Variants in SLIT3 observed in about 807,000 individuals in gnomAD.
SLIT3 encodes the protein slit homolog 3 protein.
SLIT3 carries 68 observed loss-of-function variants against 184.0 expected under a neutral mutation model. That is an observed-to-expected ratio of 0.37 (90% CI 0.30 to 0.45). The LOEUF (loss-of-function observed/expected upper bound fraction) is 0.45. Ranked by LOEUF, SLIT3 falls within the 20% of genes least tolerant of loss-of-function variation. SLIT3 has a pLI of 1.00. For missense variants in SLIT3, 1,707 were observed against 2,026.0 expected (o/e 0.84, Z 3.02); for synonymous variants, 831 against 828.6 (o/e 1.00, Z -0.05).
chr5:169,201,237 C>A lies in SLIT3; in HGVS notation c.342-7687G>T, dbSNP rs138257974. 1.8e-4 allele frequency among the ~76,000 whole-genome samples: 28 copies of A among 152,270 alleles called. No individual in the cohort carries two copies. In the East Asian group the frequency reaches 5.4e-3, roughly 29 times the overall value. ...TGAAAGTCCTAATAGCAATTAAAAA[C>A]CCCTTTATTTTTGACATTTCTATAG... On this transcript the variant is annotated intron_variant, in intron 3 of 35. Transcript: ENST00000519560.
rs548179839 is a variant in SLIT3 at position 168,709,386 on chromosome 5, G to A, written c.2720-1286C>T. On this transcript the variant is annotated intron_variant, in intron 25 of 35. Transcript: ENST00000519560. ...ACTGGGATTAGAGGCATGAGCCACCGTGCCCGGACCCTGGCTGCAGTGCTT... is the reference window on the plus strand; with the variant it reads ...ACTGGGATTAGAGGCATGAGCCACCATGCCCGGACCCTGGCTGCAGTGCTT... Among the ~76,000 whole-genome samples, 12 of 152,240 alleles carry A rather than the reference G, an allele frequency of 7.9e-5. No individual in the cohort carries two copies. In the South Asian group the frequency reaches 8.3e-4, roughly 11 times the overall value.
intron 4 of SLIT3, among the ~76,000 whole-genome samples, chr5:169,095,624 G>A (rs182952453): frequency 7.2e-5 from 11 of 152,238 alleles, no homozygotes; most frequent in African/African-American, 2.6e-4. Flanking sequence ...TGTGGCATTA[G>A]GTGTAACATT....
chr5:168,953,761 T>G (rs10066634), intron 4 of SLIT3, among the ~76,000 whole-genome samples: 1 of 151,754 alleles, frequency 6.6e-6, no homozygotes, highest in East Asian at 1.9e-4. Context: ...AAGCATATTC[T>G]CACCCACACT....
At chr5:169,000,972 G>A (rs929275579) in intron 4 of SLIT3, among the ~76,000 whole-genome samples, 1 of 152,154 alleles carries the variant, frequency 6.6e-6, no homozygotes, top group African/African-American at 2.4e-5. Flanking sequence ...TGCACTGAAT[G>A]GCTCCCCTGG....
At chr5:169,019,092 G>A (rs1221681170) in intron 4 of SLIT3, among the ~76,000 whole-genome samples, 1 of 152,230 alleles carries the variant, frequency 6.6e-6, no homozygotes, top group African/African-American at 2.4e-5. Flanking sequence ...ACAGCAAAGG[G>A]AGAACTTTTA....
At chr5:169,189,562 ATATATATAT>A (rs1763477490) in intron 4 of SLIT3, among the ~76,000 whole-genome samples, 1 of 83,954 alleles carries the variant, frequency 1.2e-5, no homozygotes, top group Non-Finnish European at 2.4e-5. Context: ...ATATATATAT[ATATATATAT>A]ATATATATGC....
At chr5:168,785,109 T>C (rs1012098877) in intron 12 of SLIT3, among the ~76,000 whole-genome samples, 2 of 150,754 alleles carry the variant, frequency 1.3e-5, no homozygotes, top group Non-Finnish European at 2.9e-5. Flanking sequence ...AGAACTGTAA[T>C]GGTGACAGAG....
chr5:168,882,364 C>G (rs967445739), intron 5 of SLIT3, among the ~76,000 whole-genome samples: 1 of 152,066 alleles, frequency 6.6e-6, no homozygotes, highest in Non-Finnish European at 1.5e-5. Flanking sequence ...CCAGGAGTCA[C>G]GAATAAGGGG....
At chr5:168,706,308 C>G (rs1762370848) in intron 26 of SLIT3, among the ~76,000 whole-genome samples, 1 of 152,158 alleles carries the variant, frequency 6.6e-6, no homozygotes, top group Non-Finnish European at 1.5e-5. Flanking sequence ...TAGTTTGCAG[C>G]TGGGAAGACA....
At chr5:169,212,634 CA>C (rs1352299684) in intron 3 of SLIT3, among the ~76,000 whole-genome samples, 8 of 152,270 alleles carry the variant, frequency 5.3e-5, no homozygotes, top group Non-Finnish European at 1.2e-4. Context: ...TCCCATTTGT[CA>C]ATTTTGGCTT....
intron 4 of SLIT3, among the ~76,000 whole-genome samples, chr5:168,885,635 T>C (rs939572780): frequency 4.6e-5 from 7 of 152,140 alleles, no homozygotes; most frequent in Non-Finnish European, 1.0e-4. Flanking sequence ...GATTGGCTGC[T>C]CTCTCTGGCG....
chr5:168,677,517 C>T (rs934530788), intron 32 of SLIT3, among the ~76,000 whole-genome samples: 1 of 152,192 alleles, frequency 6.6e-6, no homozygotes, highest in African/African-American at 2.4e-5. Flanking sequence ...GGCGTGATCT[C>T]AGCTCACTGC....
At chr5:168,803,386 C>T (rs560482609) in intron 9 of SLIT3, among the ~76,000 whole-genome samples, 9 of 152,318 alleles carry the variant, frequency 5.9e-5, no homozygotes, top group Admixed American at 3.9e-4. Context: ...AAAACTCAGT[C>T]GTAATAGACA....
At chr5:168,931,934 C>T (rs145985403) in intron 4 of SLIT3, among the ~76,000 whole-genome samples, 139 of 152,280 alleles carry the variant, frequency 9.1e-4, no homozygotes, top group African/African-American at 3.2e-3. Flanking sequence ...TGCTCCTTGA[C>T]GCTCTACTCT....
intron 6 of SLIT3, among the ~76,000 whole-genome samples, chr5:168,837,865 A>G (rs1758105800): frequency 6.6e-6 from 1 of 152,226 alleles, no homozygotes; most frequent in East Asian, 1.9e-4. Flanking sequence ...TCAATAAGGA[A>G]ATGAACTCCA....
rs376259320 is a variant in SLIT3, at chr5:169,276,079, C to G, written c.197+24434G>C. 7.2e-5 allele frequency among the ~76,000 whole-genome samples: 11 copies of G among 152,194 alleles called. 1 individual carries two copies. In the South Asian group the frequency reaches 2.3e-3, roughly 32 times the overall value. On this transcript the variant is annotated intron_variant, in intron 1 of 35. Coordinates refer to ENST00000519560, the MANE Select transcript of SLIT3 (RefSeq NM_003062.4). Reference sequence around the variant, plus strand: ...GCCTCCTCAATCCAAAAATGGTGAGCTAAGCCTAAACAAAGAAAGAGAGCA... The same window carrying G: ...GCCTCCTCAATCCAAAAATGGTGAGGTAAGCCTAAACAAAGAAAGAGAGCA...
intron 4 of SLIT3, among the ~76,000 whole-genome samples, chr5:169,059,737 G>GC (rs1758117958): frequency 6.6e-6 from 1 of 152,236 alleles, no homozygotes; most frequent in Non-Finnish European, 1.5e-5. Context: ...GTCCCACGTT[G>GC]CCACGAGGCC....
At chr5:168,974,063 T>A (rs1021404181) in intron 4 of SLIT3, among the ~76,000 whole-genome samples, 28 of 151,972 alleles carry the variant, frequency 1.8e-4, no homozygotes, top group Non-Finnish European at 3.7e-4. Flanking sequence ...GAAGCTGGCA[T>A]CTCTCTCTCT....
At chr5:168,923,113 CT>C (rs1301111535) in intron 4 of SLIT3, among the ~76,000 whole-genome samples, 6 of 152,120 alleles carry the variant, frequency 3.9e-5, no homozygotes, top group Non-Finnish European at 7.4e-5. Flanking sequence ...AGCTCGGAAC[CT>C]TTAGGACTGG....
Sources: gnomAD v4.1 joint callset for allele counts (sites outside exome capture counted in the v4.1 genomes callset) on GRCh38, gnomAD v4.1.1 for gene constraint, MANE v1.5 for transcripts, NCBI Gene and HGNC (gene_info 2026-07-23, HGNC 2026-07-21) for gene names.